The following DAD1 variants were observed in gnomAD, a reference collection of about 807,000 sequenced individuals.
DAD1 encodes the protein defender against cell death 1.
In DAD1, 4 loss-of-function variants were observed where a neutral mutation model predicts 9.0. The ratio of observed to expected loss-of-function variants is 0.44; its 90% CI spans 0.22 to 1.01. DAD1 has a LOEUF of 1.01. Among genes scored for constraint, DAD1 ranks in the 50% least tolerant of loss-of-function variants. The pLI is 0.24. For missense variants in DAD1, 119 were observed against 137.3 expected (o/e 0.87, Z 0.67); for synonymous variants, 60 against 62.5 (o/e 0.96, Z 0.19).
At chr14:22,576,035 C>T (rs2037075646) in intron 1 of DAD1, among the ~76,000 whole-genome samples, 1 of 152,170 alleles carries the variant, frequency 6.6e-6, no homozygotes, top group Non-Finnish European at 1.5e-5. Context: ...CCACACAGAG[C>T]CACTGAGAAC....
intron 1 of DAD1, among the ~76,000 whole-genome samples, chr14:22,576,966 G>A (rs2037081607): frequency 1.3e-5 from 2 of 152,148 alleles, no homozygotes; most frequent in African/African-American, 2.4e-5. Context: ...AAAAAAACAA[G>A]AGTTGGCAAG....
chr14:22,572,300 T>C (rs2037046899), intron 2 of DAD1, among the ~76,000 whole-genome samples: 1 of 152,182 alleles, frequency 6.6e-6, no homozygotes, highest in South Asian at 2.1e-4. Flanking sequence ...ATTGAGAATT[T>C]ACTTGGAACT....
chr14:22,573,736 GAA>G (rs572590900), intron 2 of DAD1, among the ~76,000 whole-genome samples: 1 of 123,860 alleles, frequency 8.1e-6, no homozygotes, highest in Non-Finnish European at 1.8e-5. Flanking sequence ...AAACAGAAAA[GAA>G]AAAAAAAAAG....
chr14:22,586,651 C>A (rs1368255670), intron 1 of DAD1, among the ~76,000 whole-genome samples: 2 of 152,174 alleles, frequency 1.3e-5, no homozygotes, highest in African/African-American at 4.8e-5. Context: ...CACTGGACTC[C>A]TCCATTCTCT....
chr14:22,576,655 G>C (rs1338457974), intron 1 of DAD1, among the ~76,000 whole-genome samples: 3 of 152,120 alleles, frequency 2.0e-5, no homozygotes, highest in Non-Finnish European at 4.4e-5. Flanking sequence ...TGTGATAAAG[G>C]TACAATAAAG....
intron 2 of DAD1, among the ~76,000 whole-genome samples, chr14:22,567,527 AGAGAT>A (rs2037009285): frequency 6.6e-6 from 1 of 152,256 alleles, no homozygotes; most frequent in South Asian, 2.1e-4. Flanking sequence ...CTTTCATTAC[AGAGAT>A]GAGAAAACTG....
intron 2 of DAD1, among the ~76,000 whole-genome samples, chr14:22,571,622 GCT>G (rs1237153657): frequency 4.5e-5 from 6 of 132,308 alleles, no homozygotes; most frequent in Admixed American, 8.1e-5. Context: ...CTAGCAAGGG[GCT>G]CTTTTTTTTT....
intron 1 of DAD1, among the ~76,000 whole-genome samples, chr14:22,578,181 AGGT>A (rs2037091153): frequency 6.6e-6 from 1 of 151,814 alleles, no homozygotes; most frequent in African/African-American, 2.4e-5. Context: ...GAATTGGTGG[AGGT>A]GGAGGTGGAG....
At chr14:22,571,814 G>A (rs1355821883) in intron 2 of DAD1, among the ~76,000 whole-genome samples, 4 of 151,938 alleles carry the variant, frequency 2.6e-5, no homozygotes, top group Middle Eastern at 3.4e-3. Flanking sequence ...CTTTTTAGTA[G>A]AGACGAGGTT....
chr14:22,576,639 A>G (rs2037079526), intron 1 of DAD1, among the ~76,000 whole-genome samples: 1 of 152,256 alleles, frequency 6.6e-6, no homozygotes, highest in Non-Finnish European at 1.5e-5. Flanking sequence ...CAAAGTTTAA[A>G]ACTTCTGTGA....
intron 1 of DAD1, among the ~76,000 whole-genome samples, chr14:22,580,545 A>G (rs1450459735): frequency 6.6e-6 from 1 of 152,242 alleles, no homozygotes; most frequent in African/African-American, 2.4e-5. Context: ...TCATTGGAGT[A>G]AAGAACACGG....
rs186383615 is a variant in DAD1 at position 22,564,932 on chromosome 14, T to C, written c.*250A>G. ...GAGGAGTGGCATGGAGTTCTTTAAT[T>C]TGGAAGGCAAAAGGTTACATTTAAT... is the stretch of plus-strand genomic sequence containing the variant. On this transcript the variant is annotated 3_prime_UTR_variant, in exon 3 of 3. Coordinates refer to ENST00000250498, the MANE Select transcript of DAD1 (RefSeq NM_001344.4). 1,108 of 585,562 alleles carry C rather than the reference T, an allele frequency of 1.9e-3. 3 individuals carry two copies. Among genetic ancestry groups the C allele is most frequent in the Non-Finnish European group, 2.9e-3 (962 of 330,282 alleles). 36.3% of individuals were successfully genotyped at this position (585,562 alleles called of 1,614,324 possible).
At chr14:22,587,439 G>A (rs569407710) in intron 1 of DAD1, among the ~76,000 whole-genome samples, 45 of 152,156 alleles carry the variant, frequency 3.0e-4, no homozygotes, top group Non-Finnish European at 5.3e-4. Flanking sequence ...AGAGGGCGGT[G>A]GGTGGGTGGT....
intron 2 of DAD1, among the ~76,000 whole-genome samples, chr14:22,572,657 T>A (rs2139238440): frequency 6.6e-6 from 1 of 152,278 alleles, no homozygotes; most frequent in South Asian, 2.1e-4. Flanking sequence ...AATTTTGAAA[T>A]ACTAAGCTCT....
chr14:22,566,047 T>C (rs2037000287), intron 2 of DAD1, among the ~76,000 whole-genome samples: 1 of 152,242 alleles, frequency 6.6e-6, no homozygotes, highest in South Asian at 2.1e-4. Flanking sequence ...GTCAAGTAAG[T>C]AACCTGGAGA....
chr14:22,570,087 T>C (rs536959715), intron 2 of DAD1, among the ~76,000 whole-genome samples: 13 of 152,190 alleles, frequency 8.5e-5, no homozygotes, highest in Non-Finnish European at 1.6e-4. Context: ...AGAGAGCTTA[T>C]TTGGCGGCAG....
chr14:22,582,863 G>A (rs1047199522), intron 1 of DAD1, among the ~76,000 whole-genome samples: 14 of 151,956 alleles, frequency 9.2e-5, no homozygotes, highest in Non-Finnish European at 1.6e-4. Flanking sequence ...AAAATTAGCC[G>A]GGCATGGGGG....
intron 2 of DAD1, 112 bp downstream of exon 2, chr14:22,574,947 G>T: frequency 2.3e-6 from 2 of 853,480 alleles, no homozygotes; most frequent in Non-Finnish European, 3.6e-6. Flanking sequence ...GGAAAATTCT[G>T]CAAATGTCAA....
intron 1 of DAD1, among the ~76,000 whole-genome samples, chr14:22,575,607 GC>G (rs1424688234): frequency 2.0e-5 from 3 of 152,206 alleles, no homozygotes; most frequent in African/African-American, 7.2e-5. Flanking sequence ...GAATGCAGTG[GC>G]ATGATCTCGG....
Sources: allele counts gnomAD v4.1 joint callset (sites outside exome capture counted in the v4.1 genomes callset), GRCh38; gene constraint gnomAD v4.1.1; transcripts MANE v1.5; gene names NCBI Gene and HGNC (gene_info 2026-07-23, HGNC 2026-07-21).